The following TNS3 variants were observed in gnomAD, a reference collection of about 807,000 sequenced individuals.
TNS3 encodes tensin-3.
In TNS3, 45 loss-of-function variants were observed where a neutral mutation model predicts 140.9. The observed-to-expected ratio is 0.32, with a 90% CI of 0.25 to 0.41. The LOEUF (loss-of-function observed/expected upper bound fraction) is 0.41, where lower values mean the gene tolerates loss of function less well. Ranked by LOEUF, TNS3 falls within the 10% of genes least tolerant of loss-of-function variation. The pLI is 1.00. For synonymous variants in TNS3, 815 were observed against 788.4 expected (o/e 1.03, Z -0.56); for missense variants, 1,716 against 1,906.7 (o/e 0.90, Z 1.86).
intron 27 of TNS3, among the ~76,000 whole-genome samples, chr7:47,288,271 G>A (rs1351438362): frequency 2.6e-5 from 4 of 152,266 alleles, no homozygotes; most frequent in Admixed American, 1.3e-4. Flanking sequence ...TCTATGACAT[G>A]GGATGACAGG....
chr7:47,435,533 TA>T, intron 7 of TNS3, 129 bp from the exon 8 acceptor site: 1 of 1,327,050 alleles, frequency 7.5e-7, no homozygotes, highest in South Asian at 1.2e-5. Context: ...GACCCTTTCC[TA>T]AAACTCAGTG....
At chr7:47,376,387 C>T (rs1171400153) in intron 16 of TNS3, among the ~76,000 whole-genome samples, 1 of 152,232 alleles carries the variant, frequency 6.6e-6, no homozygotes, top group African/African-American at 2.4e-5. Flanking sequence ...ACCTGACAAA[C>T]AGAGAGAATT....
chr7:47,408,360 A>T (rs571793012), intron 13 of TNS3, among the ~76,000 whole-genome samples: 1 of 152,074 alleles, frequency 6.6e-6, no homozygotes, highest in East Asian at 1.9e-4. Context: ...CTGCTACAAC[A>T]GAGATGCATG....
intron 16 of TNS3, among the ~76,000 whole-genome samples, chr7:47,390,037 G>A (rs1232294228): frequency 2.0e-5 from 3 of 152,230 alleles, no homozygotes; most frequent in Non-Finnish European, 4.4e-5. Flanking sequence ...AAATGTCATA[G>A]GGTGGCTGAA....
intron 1 of TNS3, among the ~76,000 whole-genome samples, chr7:47,562,716 T>A (rs550867717): frequency 6.6e-6 from 1 of 152,272 alleles, no homozygotes; most frequent in East Asian, 1.9e-4. Flanking sequence ...AGTGCAACAT[T>A]TCACAAAACT....
intron 1 of TNS3, among the ~76,000 whole-genome samples, chr7:47,545,477 C>T (rs181820287): frequency 5.3e-5 from 8 of 152,278 alleles, no homozygotes; most frequent in Admixed American, 4.6e-4. Flanking sequence ...GGACAAGGCG[C>T]CCAAGGCTCT....
intron 1 of TNS3, among the ~76,000 whole-genome samples, chr7:47,530,834 A>ATATATATAT (rs1554350205): frequency 6.5e-5 from 2 of 30,828 alleles, no homozygotes; most frequent in Non-Finnish European, 1.4e-4. Context: ...AAAAAAAAAA[A>ATATATATAT]AAAAATATAT....
At chr7:47,442,270 T>C (rs867583618) in intron 4 of TNS3, among the ~76,000 whole-genome samples, 2 of 152,168 alleles carry the variant, frequency 1.3e-5, no homozygotes, top group Admixed American at 6.5e-5. Flanking sequence ...CTAACCAGCA[T>C]CAGGACGGGC....
At chr7:47,291,749 G>C (rs538583952) in intron 27 of TNS3, among the ~76,000 whole-genome samples, 60 of 152,272 alleles carry the variant, frequency 3.9e-4, no homozygotes, top group African/African-American at 1.4e-3. Flanking sequence ...AGTCTTGCTT[G>C]AGTTAGACCG....
At chr7:47,394,814 T>C (rs1468979967) in intron 16 of TNS3, among the ~76,000 whole-genome samples, 1 of 152,266 alleles carries the variant, frequency 6.6e-6, no homozygotes, top group Non-Finnish European at 1.5e-5. Context: ...AGTGACATGC[T>C]GCAGGCGCCC....
chr7:47,352,130 CTT>C (rs980686801), intron 17 of TNS3, among the ~76,000 whole-genome samples: 2 of 120,430 alleles, frequency 1.7e-5, no homozygotes, highest in Non-Finnish European at 3.7e-5. Context: ...CTCACACACT[CTT>C]ACACTCACAC....
intron 2 of TNS3, among the ~76,000 whole-genome samples, chr7:47,511,308 T>C (rs1456719367): frequency 6.6e-6 from 1 of 152,102 alleles, no homozygotes; most frequent in Non-Finnish European, 1.5e-5. Context: ...AAACCAAACA[T>C]TGCAGAAGAC....
In TNS3 at chr7:47,303,106, T is replaced by C. The variant is rs762960511; in HGVS notation, c.3301A>G (p.Lys1101Glu). The C allele has an allele frequency of 1.2e-6, 2 of 1,614,044 alleles. No individual in the cohort carries two copies. The highest frequency in any genetic ancestry group is 8.5e-7 in the Non-Finnish European group (1 of 1,179,970). The change falls in exon 22 of 31, where the codon AAG (lysine) becomes GAG (glutamate). Residue 1101 changes from lysine to glutamate, a missense_variant. This residue lies in a region of TNS3 where 1,163 missense variants were observed against 1,182.1 expected (regional missense o/e 0.98). Transcript: ENST00000311160. ...CGATCCCCCTCCGAGGCCCGCTTCT[T>C]CTCAGGGAGGGGTGGCTGCCCGGGC... ...TLPGQPPLPE[K>E]KRASEGDRSL...
chr7:47,413,950 T>A lies in TNS3; in HGVS notation c.634A>T (p.Thr212Ser). The change falls in exon 12 of 31, where the codon ACC becomes TCC. Residue 212 changes from threonine to serine, a missense_variant. Coordinates refer to ENST00000311160, the MANE Select transcript of TNS3 (RefSeq NM_022748.12). ...KLYQAMQPVY[T>S]SGIYNVGPEN... is the part of the protein sequence containing the mutation. ...AGCAGCACTCACTAGATCCCGGAGG[T>A]GTACACAGGCTGCATGGCTTGGTAG... The A allele has an allele frequency of 6.2e-7, 1 of 1,611,544 alleles. No individual in the cohort carries two copies.
At chr7:47,551,399 C>T (rs201278825) in intron 1 of TNS3, among the ~76,000 whole-genome samples, 21 of 152,224 alleles carry the variant, frequency 1.4e-4, no homozygotes, top group Middle Eastern at 3.4e-3. Context: ...GGGGAGACCA[C>T]GGAGGAGGTG....
intron 27 of TNS3, among the ~76,000 whole-genome samples, chr7:47,286,262 TG>T (rs1785415675): frequency 6.6e-6 from 1 of 152,184 alleles, no homozygotes; most frequent in Admixed American, 6.5e-5. Flanking sequence ...GCAGTCTTGC[TG>T]GCTAGAGTTT....
chr7:47,470,796 T>G (rs1796918022), intron 4 of TNS3: 1 of 245,764 alleles, frequency 4.1e-6, no homozygotes, highest in Non-Finnish European at 6.5e-6. Context: ...GGTTAATATG[T>G]TCCCTGCTGT....
At chr7:47,402,490 T>A (rs1178688375) in intron 13 of TNS3, among the ~76,000 whole-genome samples, 2 of 152,206 alleles carry the variant, frequency 1.3e-5, no homozygotes, top group Non-Finnish European at 2.9e-5. Flanking sequence ...GAGACTGACT[T>A]CTCAGCAAGA....
At position 47,303,383 on chromosome 7, in the gene TNS3, C is replaced by T. The variant is rs375270332; in HGVS notation, c.3024G>A (p.Pro1008=). 31 of 1,613,770 alleles carry T rather than the reference C, an allele frequency of 1.9e-5. No individual in the cohort carries two copies. The East Asian group carries it at 4.5e-4, about 23-fold the overall frequency. The stretch of plus-strand genomic sequence containing the variant: ...GGCTGCTGGGAGGCGCCAGGGAGTC[C>T]GGTGGCTCTGCTAGGGACAGCTCAT... ...HSHELSLAEP[P]DSLAPPSSQA... is the part of the protein sequence containing the mutation. Residue 1008 remains proline, a synonymous_variant, in exon 22 of 31, where the codon CCG becomes CCA. Transcript: ENST00000311160.
Sources: gnomAD v4.1 joint callset for allele counts (sites outside exome capture counted in the v4.1 genomes callset) on GRCh38, gnomAD v4.1.1 for gene constraint, gnomAD v4.1.1 regional missense constraint, MANE v1.5 for transcripts, NCBI Gene and HGNC (gene_info 2026-07-23, HGNC 2026-07-21) for gene names.